Variants in RSRC1 observed in about 807,000 individuals in gnomAD.
RSRC1 encodes the protein arginine and serine rich coiled-coil 1.
In RSRC1, 39 loss-of-function variants were observed where a neutral mutation model predicts 49.1. The ratio of observed to expected loss-of-function variants is 0.79; its 90% CI spans 0.61 to 1.04. RSRC1 has a LOEUF of 1.04. Ranked by LOEUF, RSRC1 falls within the 50% of genes least tolerant of loss-of-function variation. The pLI, the probability that RSRC1 is intolerant of heterozygous loss-of-function variation, is 0.00. For missense variants in RSRC1, 388 were observed against 402.4 expected (o/e 0.96, Z 0.31); for synonymous variants, 143 against 130.8 (o/e 1.09, Z -0.63).
At chr3:158,245,140 C>CCTTTTTTTTTTTTGTTTTTTTT (rs372285444) in intron 4 of RSRC1, among the ~76,000 whole-genome samples, 1 of 146,184 alleles carries the variant, frequency 6.8e-6, no homozygotes, top group Admixed American at 7.0e-5. Flanking sequence ...ATGTTTCTGG[C>CCTTTTTTTTTTTTGTTTTTTTT]TTTTTGATGT....
chr3:158,481,818 ACTC>A (rs1738623880), intron 7 of RSRC1, among the ~76,000 whole-genome samples: 2 of 152,034 alleles, frequency 1.3e-5, no homozygotes, highest in South Asian at 4.2e-4. Context: ...ATTTGGATGA[ACTC>A]CTCTGCTTTT....
chr3:158,215,315 T>G (rs63121960), intron 4 of RSRC1, among the ~76,000 whole-genome samples: 61 of 130,350 alleles, frequency 4.7e-4, no homozygotes, highest in South Asian at 2.1e-3. Context: ...TTTTTTTTTT[T>G]GGGTAAATGT....
At chr3:158,421,932 A>T (rs1735083091) in intron 6 of RSRC1, among the ~76,000 whole-genome samples, 1 of 151,908 alleles carries the variant, frequency 6.6e-6, no homozygotes, top group African/African-American at 2.4e-5. Flanking sequence ...TTCAGACATT[A>T]TTAAATGTTA....
intron 4 of RSRC1, among the ~76,000 whole-genome samples, chr3:158,211,336 A>G (rs547658512): frequency 2.0e-5 from 3 of 152,108 alleles, no homozygotes; most frequent in African/African-American, 2.4e-5. Context: ...ACAAATATAC[A>G]TGAACACTTG....
At chr3:158,462,940 T>C (rs1472803100) in intron 7 of RSRC1, among the ~76,000 whole-genome samples, 1 of 152,060 alleles carries the variant, frequency 6.6e-6, no homozygotes, top group Admixed American at 6.6e-5. Context: ...TCTAGCATTC[T>C]AACTAGAGTA....
chr3:158,413,703 A>G (rs1451119840), intron 6 of RSRC1, among the ~76,000 whole-genome samples: 1 of 152,226 alleles, frequency 6.6e-6, no homozygotes, highest in Non-Finnish European at 1.5e-5. Context: ...TCTCAAAAGA[A>G]GACATTTATG....
At chr3:158,208,637 C>T (rs1418837939) in intron 4 of RSRC1, among the ~76,000 whole-genome samples, 1 of 152,176 alleles carries the variant, frequency 6.6e-6, no homozygotes, top group African/African-American at 2.4e-5. Flanking sequence ...TTCCAAAGCA[C>T]TAGGATTACA....
At chr3:158,326,055 CT>C (rs1437738548) in intron 5 of RSRC1, among the ~76,000 whole-genome samples, 1 of 152,102 alleles carries the variant, frequency 6.6e-6, no homozygotes, top group Non-Finnish European at 1.5e-5. Context: ...TATAAGAATG[CT>C]TGTGATTTTT....
At chr3:158,239,423 A>G (rs1036492501) in intron 4 of RSRC1, among the ~76,000 whole-genome samples, 1 of 152,198 alleles carries the variant, frequency 6.6e-6, no homozygotes, top group Admixed American at 6.5e-5. Flanking sequence ...TTATTGCAGC[A>G]CTATTCACAA....
intron 4 of RSRC1, among the ~76,000 whole-genome samples, chr3:158,261,800 G>T (rs1445379330): frequency 6.6e-6 from 1 of 152,152 alleles, no homozygotes; most frequent in Non-Finnish European, 1.5e-5. Flanking sequence ...CCACCAGATG[G>T]AACTGTCTAG....
chr3:158,423,195 T>C (rs992861805), intron 6 of RSRC1, among the ~76,000 whole-genome samples: 1 of 152,104 alleles, frequency 6.6e-6, no homozygotes. Context: ...TCTTCGAGGG[T>C]TTTTATGGTT....
intron 4 of RSRC1, among the ~76,000 whole-genome samples, chr3:158,242,892 A>G (rs1723674320): frequency 6.6e-6 from 1 of 151,620 alleles, no homozygotes; most frequent in African/African-American, 2.4e-5. Context: ...CCCACTTTTA[A>G]TGGAGTTGTT....
intron 3 of RSRC1, among the ~76,000 whole-genome samples, chr3:158,197,415 G>A (rs1720700419): frequency 1.3e-5 from 2 of 151,972 alleles, no homozygotes; most frequent in South Asian, 2.1e-4. Flanking sequence ...AGTCTTGGTA[G>A]CGGCCTATCA....
chr3:158,484,452 A>C (rs1225382865), intron 7 of RSRC1, among the ~76,000 whole-genome samples: 1 of 152,128 alleles, frequency 6.6e-6, no homozygotes, highest in African/African-American at 2.4e-5. Flanking sequence ...AACCGTTGGC[A>C]TATAGGATGT....
At chr3:158,314,124 C>A (rs1441497097) in intron 5 of RSRC1, among the ~76,000 whole-genome samples, 1 of 152,072 alleles carries the variant, frequency 6.6e-6, no homozygotes, top group Non-Finnish European at 1.5e-5. Flanking sequence ...GAATCTCACT[C>A]TTGTTACCCA....
intron 4 of RSRC1, among the ~76,000 whole-genome samples, chr3:158,273,636 A>G (rs1725644068): frequency 6.6e-6 from 1 of 152,110 alleles, no homozygotes; most frequent in South Asian, 2.1e-4. Context: ...TATATTGAGA[A>G]CCTTTATGAA....
intron 7 of RSRC1, among the ~76,000 whole-genome samples, chr3:158,478,769 G>A (rs1219001224): frequency 6.6e-6 from 1 of 151,950 alleles, no homozygotes; most frequent in African/African-American, 2.4e-5. Context: ...TGAATCAGAA[G>A]TCTGGTCAGT....
At chr3:158,124,404 C>T (rs1578108019) in intron 3 of RSRC1, among the ~76,000 whole-genome samples, 1 of 152,146 alleles carries the variant, frequency 6.6e-6, no homozygotes. Flanking sequence ...ATTTGTCTGG[C>T]ATTGGTATCA....
intron 3 of RSRC1, among the ~76,000 whole-genome samples, chr3:158,140,082 A>G (rs978849419): frequency 1.4e-4 from 21 of 152,198 alleles, no homozygotes; most frequent in African/African-American, 4.1e-4. Flanking sequence ...GAAATAACCT[A>G]TTAGCATCCT....
Sources: gnomAD v4.1 joint callset for allele counts (sites outside exome capture counted in the v4.1 genomes callset) on GRCh38, gnomAD v4.1.1 for gene constraint, MANE v1.5 for transcripts, NCBI Gene and HGNC (gene_info 2026-07-23, HGNC 2026-07-21) for gene names.